EPPK1: variants seen among roughly 807,000 people sequenced by gnomAD.
The protein encoded by EPPK1 is epiplakin.
For missense variants in EPPK1, 3,823 were observed against 3,673.3 expected, an observed-to-expected ratio of 1.04 and a Z score of -1.05; for synonymous variants, 1,862 against 1,721.2, an observed-to-expected ratio of 1.08 and a Z score of -2.03.
In EPPK1 at chr8:143,872,309, C is replaced by T. The variant is rs111703264; in HGVS notation, c.945G>A (p.Ala315=). The T allele has an allele frequency of 1.8e-4, 281 of 1,602,014 alleles. 5 individuals carry two copies. The East Asian group carries it at 4.1e-3, about 23-fold the overall frequency. Residue 315 remains alanine, a synonymous_variant, in exon 2 of 2, where the codon GCG becomes GCA. Coordinates refer to ENST00000615648, the MANE Select transcript of EPPK1 (RefSeq NM_031308.4). ...CAGCCTGGGCCTCTAGGAGTGGCAG[C>T]GCGGTGCCCATTGGGAGCAGGTGCT... ...ATEHLLPMGT[A]LPLLEAQAAT...
Position 143,869,034 on chromosome 8 carries a change from C to T in EPPK1, c.4220G>A (p.Ser1407Asn). 6.2e-7 allele frequency: 1 copy of T among 1,610,074 alleles called. No individual in the cohort carries two copies. Among genetic ancestry groups the T allele is most frequent in the Non-Finnish European group, 8.5e-7 (1 of 1,179,836 alleles). The change falls in exon 2 of 2, where the codon AGT becomes AAT. Residue 1407 changes from serine (S) to asparagine (N), a missense_variant. Transcript: ENST00000615648. ...CTGGTAGGTCACCTGGTCCCGCGCA[C>T]TGGGGTCAAAGAAGAACTTGTTGTC... Reference protein sequence around the residue: ...DKDNKFFFDPSARDQVTYQQL... With the variant: ...DKDNKFFFDPNARDQVTYQQL...
chr8:143,874,037 A>G (rs1436353568), intron 1 of EPPK1, among the ~76,000 whole-genome samples: 1 of 152,142 alleles, frequency 6.6e-6, no homozygotes, highest in Non-Finnish European at 1.5e-5. Context: ...TGCCCCTCTG[A>G]GCCCACACCC....
rs575607968 is a variant in EPPK1, at chr8:143,868,347, T to C, written c.4907A>G (p.Lys1636Arg). The change falls in exon 2 of 2, where the codon AAA (lysine) becomes AGA (arginine). Residue 1636 changes from lysine (K) to arginine (R), a missense_variant. Physicochemically the swap from Lys to Arg is conservative, Grantham distance 26. Transcript: ENST00000615648. ...EEAFKAGMFGKETYVKLLSAE... is the reference protein window; with the variant it reads ...EEAFKAGMFGRETYVKLLSAE... ...CGACAGCAGCTTCACGTAGGTTTCT[T>C]TCCCGAACATTCCTGCTTTGAACGC... 6.2e-7 allele frequency: 1 copy of C among 1,613,062 alleles called. No homozygotes were observed. The highest frequency in any genetic ancestry group is 1.1e-5 in the South Asian group (1 of 91,082).
rs201160651 is a variant in EPPK1 at position 143,866,857 on chromosome 8, C to T, written c.6397G>A (p.Glu2133Lys). The T allele has an allele frequency of 6.2e-7, 1 of 1,613,344 alleles. No individual in the cohort carries two copies. The highest frequency in any genetic ancestry group is 8.5e-7 in the Non-Finnish European group (1 of 1,179,860). Residue 2133 changes from glutamate (E) to lysine (K), a missense_variant, in exon 2 of 2, where the codon GAG becomes AAG. Coordinates refer to ENST00000615648, the MANE Select transcript of EPPK1 (RefSeq NM_031308.4). ...WALLNSEYVT[E>K]EKKLQLVRMY... ...CTCACCAGCTGGAGCTTCTTCTCCTCTGTCACGTATTCGGAATTCAGTAGT... is the reference window on the plus strand; with the variant it reads ...CTCACCAGCTGGAGCTTCTTCTCCTTTGTCACGTATTCGGAATTCAGTAGT...
At position 143,866,538 on chromosome 8, in the gene EPPK1, C is replaced by T. The variant is rs1226069468; in HGVS notation, c.6716G>A (p.Arg2239His). 4.2e-5 allele frequency: 66 copies of T among 1,587,510 alleles called. No homozygotes were observed. Among genetic ancestry groups the T allele is most frequent in the Admixed American group, 3.3e-4 (19 of 57,188 alleles). The change falls in exon 2 of 2, where the codon CGC (arginine) becomes CAC (histidine). Residue 2239 changes from arginine to histidine, a missense_variant. By Grantham distance (29) the Arg-to-His change is conservative. Coordinates refer to ENST00000615648, the MANE Select transcript of EPPK1 (RefSeq NM_031308.4). ...CTGGTAGATGCTCATCTTCTCCTGG[C>T]GGCCGGGCTGGTCCTTGGCGGGCAC... ...VLVPAKDQPG[R>H]QEKMSIYQAM...
rs782038117 is a variant in EPPK1 at position 143,868,782 on chromosome 8, CGACA to C, written c.4468_4471del (p.Cys1490GlyfsTer48). 4 of 1,599,066 alleles carry C rather than the reference CGACA, an allele frequency of 2.5e-6. No individual in the cohort carries two copies. Among genetic ancestry groups the C allele is most frequent in the African/African-American group, 2.7e-5 (2 of 74,894 alleles). On this transcript the variant is annotated frameshift_variant, in exon 2 of 2. Coordinates refer to ENST00000615648, the MANE Select transcript of EPPK1 (RefSeq NM_031308.4). LOFTEE classifies it low-confidence loss of function (END_TRUNC). ...CCGCAGGGCCGCAGCCCTCCCAGAC[CGACA>C]GAGTGCCACCAGCTCCCGCCGCTTG...
Position 143,866,513 on chromosome 8 carries a change from C to T in EPPK1, c.6741G>A (p.Gln2247=), listed in dbSNP as rs1188570216. ...PGRQEKMSIY[Q]AMWKGVLRPG... ...GCCGCAGCACGCCCTTCCACATGGC[C>T]TGGTAGATGCTCATCTTCTCCTGGC... is the stretch of plus-strand genomic sequence containing the variant. The change falls in exon 2 of 2, where the codon CAG becomes CAA. Residue 2247 remains glutamine, a synonymous_variant. Transcript: ENST00000615648. 126 of 1,565,602 alleles carry T rather than the reference C, an allele frequency of 8.0e-5. No homozygotes were observed. In the African/African-American group the frequency reaches 1.6e-3, roughly 20 times the overall value.
intron 1 of EPPK1, among the ~76,000 whole-genome samples, chr8:143,873,764 C>T (rs1554662015): frequency 1.1e-5 from 1 of 92,530 alleles, no homozygotes; most frequent in Non-Finnish European, 2.8e-5. Flanking sequence ...TTTTGTTCTC[C>T]AAAGGCTCTG....
chr8:143,872,476 C>A lies in EPPK1; in HGVS notation c.778G>T (p.Gly260Cys). The A allele has an allele frequency of 5.7e-6, 9 of 1,591,818 alleles. No individual in the cohort carries two copies. Among genetic ancestry groups the A allele is most frequent in the Non-Finnish European group, 5.1e-6 (6 of 1,174,748 alleles). Residue 260 changes from glycine (G) to cysteine (C), a missense_variant, in exon 2 of 2, where the codon GGT (glycine) becomes TGT (cysteine). Physicochemically the swap from Gly to Cys is radical, Grantham distance 159. Transcript: ENST00000615648. ...GCGGCCAGCCTGCCCTCCCGCAGACCCTGCACAGCCTGCTCGTCCAGGATG... is the reference window on the plus strand; with the variant it reads ...GCGGCCAGCCTGCCCTCCCGCAGACACTGCACAGCCTGCTCGTCCAGGATG... ...VGILDEQAVQGLREGRLAAVD... is the reference protein window; with the variant it reads ...VGILDEQAVQCLREGRLAAVD...
chr8:143,877,913 G>C (rs1819512009), intron 1 of EPPK1, among the ~76,000 whole-genome samples: 1 of 152,010 alleles, frequency 6.6e-6, no homozygotes, highest in Non-Finnish European at 1.5e-5. Context: ...CCGCTTACCT[G>C]ACCCGGAGTG....
rs757861517 is a variant in EPPK1 at position 143,870,610 on chromosome 8, C to A, written c.2644G>T (p.Ala882Ser). 1 of 1,606,778 alleles carries A rather than the reference C, an allele frequency of 6.2e-7. No homozygotes were observed. Among genetic ancestry groups the A allele is most frequent in the Non-Finnish European group, 8.5e-7 (1 of 1,177,690 alleles). The change falls in exon 2 of 2, where the codon GCA (alanine) becomes TCA (serine). Residue 882 changes from alanine (A) to serine (S), a missense_variant. By Grantham distance (99) the Ala-to-Ser change is moderately conservative (BLOSUM62 1). Transcript: ENST00000615648. This position sits in a 1 kb window ranked among gnomAD's most constrained non-coding sequence, Gnocchi z 5.2. ...TQRQADIMLP[A>S]LRSRVTVHQL... ...TGGACGGTGACCCGGCTCCGCAGTG[C>A]GGGCAGCATGATGTCCGCCTGTCTC...
Position 143,867,371 on chromosome 8 carries a change from G to T in EPPK1, c.5883C>A (p.Asn1961Lys). Reference sequence around the variant, plus strand: ...TCAGGAGCCTCTCCCGCAGCTCCTCGTTCACCAGGCCCACATCCACAGCCT... The same window carrying T: ...TCAGGAGCCTCTCCCGCAGCTCCTCTTTCACCAGGCCCACATCCACAGCCT... ...VDEAVDVGLV[N>K]EELRERLLKA... Residue 1961 changes from asparagine (N) to lysine (K), a missense_variant, in exon 2 of 2, where the codon AAC becomes AAA. Transcript: ENST00000615648. 6.2e-7 allele frequency: 1 copy of T among 1,612,904 alleles called. No individual in the cohort carries two copies. The highest frequency in any genetic ancestry group is 8.5e-7 in the Non-Finnish European group (1 of 1,179,872).
At position 143,858,118 on chromosome 8, in the gene EPPK1, C is replaced by A. The variant is rs201976887; in HGVS notation, c.15136G>T (p.Asp5046Tyr). The A allele has an allele frequency of 4.8e-5, 78 of 1,613,284 alleles. No homozygotes were observed. Among genetic ancestry groups the A allele is most frequent in the Non-Finnish European group, 6.4e-5 (75 of 1,180,030 alleles). The change falls in exon 2 of 2, where the codon GAC (aspartate) becomes TAC (tyrosine). Residue 5046 changes from aspartate to tyrosine, a missense_variant. Transcript: ENST00000615648. ...FDEEMNRVLA[D>Y]PSDDTKGFFD... is the part of the protein sequence containing the mutation. ...AAGCCCTTGGTGTCGTCGCTGGGGT[C>A]GGCCAGGACGCGGTTCATCTCCTCG...
rs782414797 is a variant in EPPK1, at chr8:143,866,843, G to C, written c.6411C>G (p.Leu2137=). ...GTGTTCTATACATCCTCACCAGCTG[G>C]AGCTTCTTCTCCTCTGTCACGTATT... is the stretch of plus-strand genomic sequence containing the variant. ...NSEYVTEEKK[L]QLVRMYRTHT... The change falls in exon 2 of 2, where the codon CTC becomes CTG. Residue 2137 remains leucine, a synonymous_variant. Coordinates refer to ENST00000615648, the MANE Select transcript of EPPK1 (RefSeq NM_031308.4). 1.2e-6 allele frequency: 2 copies of C among 1,613,350 alleles called. No individual in the cohort carries two copies. Among genetic ancestry groups the C allele is most frequent in the Admixed American group, 3.3e-5 (2 of 60,022 alleles).
chr8:143,866,886 C>G lies in EPPK1; in HGVS notation c.6368G>C (p.Trp2123Ser). 1 of 1,613,190 alleles carries G rather than the reference C, an allele frequency of 6.2e-7. No homozygotes were observed. Among genetic ancestry groups the G allele is most frequent in the Non-Finnish European group, 8.5e-7 (1 of 1,179,886 alleles). ...GRFRGQKPTLWALLNSEYVTE... is the reference protein window; with the variant it reads ...GRFRGQKPTLSALLNSEYVTE... Reference sequence around the variant, plus strand: ...CACGTATTCGGAATTCAGTAGTGCCCACAGTGTTGGTTTCTGGCCTCTGAA... The same window carrying G: ...CACGTATTCGGAATTCAGTAGTGCCGACAGTGTTGGTTTCTGGCCTCTGAA... The change falls in exon 2 of 2, where the codon TGG (tryptophan) becomes TCG (serine). Residue 2123 changes from tryptophan to serine, a missense_variant. By Grantham distance (177) the Trp-to-Ser change is radical. Transcript: ENST00000615648.
Position 143,866,851 on chromosome 8 carries a change from T to C in EPPK1, c.6403A>G (p.Lys2135Glu), listed in dbSNP as rs377207781. Reference sequence around the variant, plus strand: ...TACATCCTCACCAGCTGGAGCTTCTTCTCCTCTGTCACGTATTCGGAATTC... The same window carrying C: ...TACATCCTCACCAGCTGGAGCTTCTCCTCCTCTGTCACGTATTCGGAATTC... ...LLNSEYVTEE[K>E]KLQLVRMYRT... The change falls in exon 2 of 2, where the codon AAG becomes GAG. Residue 2135 changes from lysine to glutamate, a missense_variant. Transcript: ENST00000615648. 68 of 1,613,242 alleles carry C rather than the reference T, an allele frequency of 4.2e-5. No individual in the cohort carries two copies. Among genetic ancestry groups the C allele is most frequent in the Non-Finnish European group, 5.5e-5 (65 of 1,179,876 alleles).
intron 1 of EPPK1, 138 bp from the exon 2 acceptor site, chr8:143,873,436 G>A (rs943885627): frequency 3.1e-5 from 18 of 573,388 alleles, no homozygotes; most frequent in African/African-American, 2.3e-4. Context: ...TCCCCGAGGA[G>A]CTGAGTCTGC....
chr8:143,870,095 G>T lies in EPPK1; in HGVS notation c.3159C>A (p.Thr1053=), dbSNP rs1554660624. 1 of 1,610,458 alleles carries T rather than the reference G, an allele frequency of 6.2e-7. No individual in the cohort carries two copies. Among genetic ancestry groups the T allele is most frequent in the African/African-American group, 1.3e-5 (1 of 74,868 alleles). Residue 1053 remains threonine (T), a synonymous_variant, in exon 2 of 2, where the codon ACC becomes ACA. Coordinates refer to ENST00000615648, the MANE Select transcript of EPPK1 (RefSeq NM_031308.4). The surrounding 1 kb of genome is among the most constrained non-coding windows in gnomAD (Gnocchi z 5.2). ...CTGGCATGGGGAGGTGGTGGTGGCT[G>T]GTGGGGTCAATGATCCCTCCTGTGG... ...QVATGGIIDP[T]SHHHLPMPVA... is the part of the protein sequence containing the mutation.
chr8:143,870,906 T>C lies in EPPK1; in HGVS notation c.2348A>G (p.Glu783Gly), dbSNP rs202159155. 1 of 1,613,186 alleles carries C rather than the reference T, an allele frequency of 6.2e-7. No homozygotes were observed. Among genetic ancestry groups the C allele is most frequent in the African/African-American group, 1.3e-5 (1 of 74,986 alleles). ...HENLTYLQLL[E>G]RCVRDPETGL... ...CGTCTCGGGGTCACGCACACAGCGC[T>C]CCAGAAGCTGCAGGTACGTGAGGTT... The change falls in exon 2 of 2, where the codon GAG (glutamate) becomes GGG (glycine). Residue 783 changes from glutamate to glycine, a missense_variant. Transcript: ENST00000615648. This position sits in a 1 kb window ranked among gnomAD's most constrained non-coding sequence, Gnocchi z 5.2.
Sources: allele counts gnomAD v4.1 joint callset (sites outside exome capture counted in the v4.1 genomes callset), GRCh38; gene constraint gnomAD v4.1.1; non-coding constraint Gnocchi (gnomAD v3.1); transcripts MANE v1.5; gene names NCBI Gene and HGNC (gene_info 2026-07-23, HGNC 2026-07-21).